CRACDL: variants seen among roughly 807,000 people sequenced by gnomAD.
The protein encoded by CRACDL is CRACD-like protein.
In CRACDL, 26 loss-of-function variants were observed where a neutral mutation model predicts 70.6. That is an observed-to-expected ratio of 0.37 (90% CI 0.27 to 0.51). CRACDL has a LOEUF of 0.51. Among genes scored for constraint, CRACDL ranks in the 20% least tolerant of loss-of-function variants. The probability of loss-of-function intolerance (pLI) is 0.94; values close to 1 mark genes in which losing one functional copy is unlikely to be tolerated. For missense variants in CRACDL, 1,283 were observed against 1,376.9 expected, an observed-to-expected ratio of 0.93 and a Z score of 1.08; for synonymous variants, 618 against 615.2, an observed-to-expected ratio of 1.00 and a Z score of -0.07.
intron 2 of CRACDL, among the ~76,000 whole-genome samples, chr2:98,838,709 A>G (rs1705900500): frequency 6.6e-6 from 1 of 152,216 alleles, no homozygotes; most frequent in South Asian, 2.1e-4. Flanking sequence ...TGCTTTGTCT[A>G]GTGTGAATAC....
At chr2:98,855,494 T>A (rs1706662961) in intron 1 of CRACDL, among the ~76,000 whole-genome samples, 1 of 152,128 alleles carries the variant, frequency 6.6e-6, no homozygotes, top group South Asian at 2.1e-4. Context: ...ATGTAACTTT[T>A]CTGTAAATTT....
chr2:98,820,145 C>T (rs528106165), intron 7 of CRACDL, among the ~76,000 whole-genome samples: 43 of 151,950 alleles, frequency 2.8e-4, no homozygotes, highest in Middle Eastern at 3.4e-3. Context: ...CAAAATTTGT[C>T]ATGGAAAACT....
chr2:98,874,820 C>T (rs905757668), intron 1 of CRACDL, among the ~76,000 whole-genome samples: 35 of 152,176 alleles, frequency 2.3e-4, no homozygotes, highest in Admixed American at 2.6e-4. Flanking sequence ...AAAGTCCCAT[C>T]CTCGTTACTG....
rs1164134668 is a variant in CRACDL, at chr2:98,822,956, C to T, written c.1317G>A (p.Ala439=). 10 of 1,464,726 alleles carry T rather than the reference C, an allele frequency of 6.8e-6. No individual in the cohort carries two copies. Among genetic ancestry groups the T allele is most frequent in the Non-Finnish European group, 9.0e-6 (10 of 1,112,750 alleles). 90.7% of individuals were successfully genotyped at this position (1,464,726 alleles called of 1,614,324 possible). A position where few individuals can be genotyped will look rare whatever the true frequency, so the allele number is the denominator to read the frequency against. Residue 439 remains alanine, a synonymous_variant, in exon 7 of 10, where the codon GCG becomes GCA. Transcript: ENST00000397899. The surrounding 1 kb of genome is among the most constrained non-coding windows in gnomAD (Gnocchi z 4.9). ...CCGGGAGCACGGGCGGCGTCGGCTCCGCTTCCTTCGGGACACTGCGTTCTG... is the reference window on the plus strand; with the variant it reads ...CCGGGAGCACGGGCGGCGTCGGCTCTGCTTCCTTCGGGACACTGCGTTCTG... ...DGPERSVPKE[A]EPTPPVLPDE...
chr2:98,833,592 G>C (rs1046283025), intron 3 of CRACDL, among the ~76,000 whole-genome samples: 1 of 152,208 alleles, frequency 6.6e-6, no homozygotes, highest in Non-Finnish European at 1.5e-5. Context: ...CTAGATCCTG[G>C]AGCAGAGATG....
intron 1 of CRACDL, among the ~76,000 whole-genome samples, chr2:98,874,092 C>T (rs1175790712): frequency 6.6e-6 from 1 of 152,230 alleles, no homozygotes; most frequent in African/African-American, 2.4e-5. Flanking sequence ...CCAATTATAG[C>T]CCCAAAGCCC....
intron 1 of CRACDL, among the ~76,000 whole-genome samples, chr2:98,848,079 G>C (rs1706334721): frequency 6.6e-6 from 1 of 152,126 alleles, no homozygotes; most frequent in South Asian, 2.1e-4. Context: ...CACCAGATTT[G>C]ACTCATGATC....
chr2:98,815,139 T>C (rs1250860307), intron 7 of CRACDL, among the ~76,000 whole-genome samples: 2 of 152,232 alleles, frequency 1.3e-5, no homozygotes, highest in African/African-American at 4.8e-5. Flanking sequence ...TTTAAAGTCT[T>C]TGTCTAATAA....
chr2:98,814,592 C>T (rs1410443712), intron 7 of CRACDL, among the ~76,000 whole-genome samples: 1 of 152,108 alleles, frequency 6.6e-6, no homozygotes, highest in African/African-American at 2.4e-5. Context: ...TATGGTCTAT[C>T]TTCATGAATG....
chr2:98,854,893 C>T (rs1706635171), intron 1 of CRACDL, among the ~76,000 whole-genome samples: 1 of 152,314 alleles, frequency 6.6e-6, no homozygotes. Context: ...AAAGCCATTA[C>T]TGGGACAAAT....
chr2:98,902,178 C>T (rs890934240), intron 1 of CRACDL, among the ~76,000 whole-genome samples: 4 of 152,202 alleles, frequency 2.6e-5, no homozygotes, highest in African/African-American at 4.8e-5. Flanking sequence ...GCAGCCCATA[C>T]GGCACAAGGG....
At chr2:98,819,716 T>G (rs1297901304) in intron 7 of CRACDL, among the ~76,000 whole-genome samples, 1 of 152,164 alleles carries the variant, frequency 6.6e-6, no homozygotes, top group Non-Finnish European at 1.5e-5. Context: ...TCTTCCTATG[T>G]ATGCATCTTC....
At chr2:98,830,860 A>G (rs1292145176) in intron 5 of CRACDL, among the ~76,000 whole-genome samples, 1 of 152,168 alleles carries the variant, frequency 6.6e-6, no homozygotes, top group African/African-American at 2.4e-5. Context: ...CGTCCTGGCT[A>G]AAGGCAGAGA....
Position 98,822,333 on chromosome 2 carries a change from G to A in CRACDL, c.1940C>T (p.Pro647Leu), listed in dbSNP as rs537062302. The A allele has an allele frequency of 1.3e-5, 19 of 1,457,750 alleles. No homozygotes were observed. The highest frequency in any genetic ancestry group is 1.5e-5 in the Non-Finnish European group (17 of 1,116,792). The allele number at this position is 1,457,750 out of a possible 1,614,324, so 90.3% of individuals were successfully genotyped here. A position where few individuals can be genotyped will look rare whatever the true frequency, so the allele number is the denominator to read the frequency against. ...CTGAGGGCTCTTGCGCGGCCCGGCC[G>A]GGCTGGCCGCCCTGTCCCCCGAGTC... is the stretch of plus-strand genomic sequence containing the variant. ...PQDSGDRAAS[P>L]AGPRKSPQEA... The change falls in exon 7 of 10, where the codon CCG becomes CTG. Residue 647 changes from proline to leucine, a missense_variant. This residue lies in a region of CRACDL where 921 missense variants were observed against 881.9 expected (regional missense o/e 1.04). Transcript: ENST00000397899. This position sits in a 1 kb window ranked among gnomAD's most constrained non-coding sequence, Gnocchi z 4.9.
At chr2:98,908,251 T>C (rs1708463038) in intron 1 of CRACDL, 2 of 152,382 alleles carry the variant, frequency 1.3e-5, no homozygotes, top group Admixed American at 6.5e-5. Context: ...ATGTGTGGCC[T>C]AGAGAGAGCT....
At chr2:98,910,314 G>A (rs1475944658) in intron 1 of CRACDL, among the ~76,000 whole-genome samples, 1 of 152,104 alleles carries the variant, frequency 6.6e-6, no homozygotes, top group Non-Finnish European at 1.5e-5. Flanking sequence ...GAGGCCAGGA[G>A]TTCGAGACCA....
intron 1 of CRACDL, among the ~76,000 whole-genome samples, chr2:98,858,073 G>A (rs57765048): frequency 0.025 from 3,858 of 152,222 alleles, 155 homozygotes; most frequent in African/African-American, 0.089. Context: ...AATAACAAAT[G>A]AGTCAAAGAA....
rs1201433242 is a variant in CRACDL at position 98,914,299 on chromosome 2, A to G, written c.-11+21639T>C. 2.0e-5 allele frequency among the ~76,000 whole-genome samples: 3 copies of G among 152,162 alleles called. No individual in the cohort carries two copies. The East Asian group carries it at 5.8e-4, about 29-fold the overall frequency. Reference sequence around the variant, plus strand: ...GCTGGCCCAGCTCCCAGCCCCCCACAGCAAGGAGCACCACCTCCTCACAGG... The same window carrying G: ...GCTGGCCCAGCTCCCAGCCCCCCACGGCAAGGAGCACCACCTCCTCACAGG... On this transcript the variant is annotated intron_variant, in intron 1 of 9. Transcript: ENST00000397899.
intron 1 of CRACDL, among the ~76,000 whole-genome samples, chr2:98,882,587 C>T (rs571621547): frequency 1.3e-5 from 2 of 152,298 alleles, no homozygotes; most frequent in East Asian, 3.9e-4. Context: ...CTGGATCCAG[C>T]TATTCCTGAA....
Sources: gnomAD v4.1 joint callset for allele counts (sites outside exome capture counted in the v4.1 genomes callset) on GRCh38, gnomAD v4.1.1 for gene constraint, gnomAD v4.1.1 regional missense constraint, Gnocchi (gnomAD v3.1) non-coding constraint, MANE v1.5 for transcripts, NCBI Gene and HGNC (gene_info 2026-07-23, HGNC 2026-07-21) for gene names.